The following MCC variants were observed in gnomAD, a reference collection of about 807,000 sequenced individuals.
MCC encodes the protein colorectal mutant cancer protein.
MCC carries 90 observed loss-of-function variants against 116.2 expected under a neutral mutation model. That is an observed-to-expected ratio of 0.77 (90% CI 0.65 to 0.92). MCC has a LOEUF of 0.92. Ranked by LOEUF, MCC falls within the 40% of genes least tolerant of loss-of-function variation. The probability of loss-of-function intolerance (pLI) is 0.00; values close to 1 mark genes in which losing one functional copy is unlikely to be tolerated. For missense variants in MCC, 1,516 were observed against 1,312.2 expected, an observed-to-expected ratio of 1.16 and a Z score of -2.40; for synonymous variants, 578 against 510.5, an observed-to-expected ratio of 1.13 and a Z score of -1.78.
At chr5:113,468,559 T>G (rs1427015176) in intron 1 of MCC, among the ~76,000 whole-genome samples, 1 of 152,224 alleles carries the variant, frequency 6.6e-6, no homozygotes, top group Admixed American at 6.5e-5. Flanking sequence ...ATAAGCTTTT[T>G]GATGTGCTGC....
intron 3 of MCC, among the ~76,000 whole-genome samples, chr5:113,197,233 A>AT (rs558305624): frequency 2.6e-5 from 4 of 151,654 alleles, no homozygotes; most frequent in Non-Finnish European, 4.4e-5. Flanking sequence ...AAAAGGGGGA[A>AT]TTTTTTTTTC....
chr5:113,250,744 A>C (rs1270625890), intron 3 of MCC, among the ~76,000 whole-genome samples: 1 of 152,182 alleles, frequency 6.6e-6, no homozygotes, highest in African/African-American at 2.4e-5. Flanking sequence ...AATGCTGGAA[A>C]ACGCATGTGG....
At position 113,022,178 on chromosome 5, in the gene MCC, G is replaced by A. The variant is rs774734431; in HGVS notation, c.*5124C>T. 3 of 152,446 alleles carry A rather than the reference G, an allele frequency of 2.0e-5. No homozygotes were observed. The highest frequency in any genetic ancestry group is 6.6e-5 in the Admixed American group (1 of 15,258). The allele number at this position is 152,446 out of a possible 1,614,324, so 9.4% of individuals were successfully genotyped here. A position where few individuals can be genotyped will look rare whatever the true frequency, so the allele number is the denominator to read the frequency against. On this transcript the variant is annotated 3_prime_UTR_variant, in exon 19 of 19. Transcript: ENST00000408903. ...TATAAATGTCTCTGTATAAATAAATGGAGTTTTTAAAAAACAATTCTATAT... is the reference window on the plus strand; with the variant it reads ...TATAAATGTCTCTGTATAAATAAATAGAGTTTTTAAAAAACAATTCTATAT...
intron 1 of MCC, among the ~76,000 whole-genome samples, chr5:113,439,955 C>G (rs1770985356): frequency 1.3e-5 from 2 of 152,086 alleles, no homozygotes; most frequent in Non-Finnish European, 2.9e-5. Flanking sequence ...GCCTCAACCT[C>G]CTGGCCTCAA....
At chr5:113,385,610 C>A (rs1769235917) in intron 1 of MCC, among the ~76,000 whole-genome samples, 1 of 152,174 alleles carries the variant, frequency 6.6e-6, no homozygotes, top group Non-Finnish European at 1.5e-5. Flanking sequence ...TTGGCAGAGT[C>A]CAAAACCTAG....
chr5:113,056,933 A>T (rs907551010), intron 14 of MCC, among the ~76,000 whole-genome samples: 1 of 152,186 alleles, frequency 6.6e-6, no homozygotes, highest in Non-Finnish European at 1.5e-5. Flanking sequence ...TGAAAAATGA[A>T]GCAGGGAAGA....
intron 3 of MCC, chr5:113,294,501 C>A: frequency 1.3e-6 from 2 of 1,556,996 alleles, no homozygotes; most frequent in Non-Finnish European, 1.7e-6. Flanking sequence ...GTCTAGACAG[C>A]CATTTTCACC....
intron 10 of MCC, 105 bp from the exon 11 acceptor site, chr5:113,083,113 G>T (rs1754975023): frequency 2.7e-6 from 3 of 1,092,348 alleles, no homozygotes; most frequent in Non-Finnish European, 3.9e-6. Flanking sequence ...ATCGGGGACT[G>T]GGAGGATGGT....
In MCC at chr5:113,455,459, G is replaced by A. The variant is rs181539783; in HGVS notation, c.170+32786C>T. On this transcript the variant is annotated intron_variant, in intron 1 of 18. Transcript: ENST00000408903. The stretch of plus-strand genomic sequence containing the variant: ...ATATTTATTCAGTGAATAAGGTCAC[G>A]TCTCAGGGGTCTGTAACAACTAACA... Among the ~76,000 whole-genome samples the A allele has an allele frequency of 1.8e-3, 272 of 152,252 alleles. 3 individuals are homozygous for A. The highest frequency in any genetic ancestry group is 1.5e-3 in the Non-Finnish European group (105 of 68,022).
intron 15 of MCC, among the ~76,000 whole-genome samples, chr5:113,050,314 C>T (rs932835816): frequency 1.3e-5 from 2 of 152,152 alleles, no homozygotes; most frequent in Non-Finnish European, 2.9e-5. Flanking sequence ...ACTCCACCAG[C>T]CCATGGCCAC....
intron 1 of MCC, among the ~76,000 whole-genome samples, chr5:113,394,258 T>C (rs1340416631): frequency 1.3e-5 from 2 of 152,158 alleles, no homozygotes; most frequent in East Asian, 1.9e-4. Context: ...ATTGTCTAAA[T>C]AGCTCTCACA....
chr5:113,370,453 C>T (rs1302060746), intron 2 of MCC, among the ~76,000 whole-genome samples: 1 of 152,052 alleles, frequency 6.6e-6, no homozygotes, highest in Non-Finnish European at 1.5e-5. Flanking sequence ...CAGAAGTGAC[C>T]GTGGGTACTA....
chr5:113,470,299 T>A (rs1055025951), intron 1 of MCC, among the ~76,000 whole-genome samples: 1 of 152,200 alleles, frequency 6.6e-6, no homozygotes, highest in African/African-American at 2.4e-5. Flanking sequence ...CAATTTGGCA[T>A]GTTTTTGCAG....
At chr5:113,210,042 GTTCTC>G (rs1274232563) in intron 3 of MCC, among the ~76,000 whole-genome samples, 1 of 152,150 alleles carries the variant, frequency 6.6e-6, no homozygotes, top group African/African-American at 2.4e-5. Flanking sequence ...GAGCGTTGTT[GTTCTC>G]TTCTCACCGC....
intron 3 of MCC, among the ~76,000 whole-genome samples, chr5:113,268,081 A>G (rs528562225): frequency 3.9e-5 from 6 of 152,226 alleles, no homozygotes; most frequent in Admixed American, 6.5e-5. Context: ...CGAATCTTCT[A>G]TCTTAATCCA....
chr5:113,300,366 C>T (rs888650203), intron 3 of MCC, among the ~76,000 whole-genome samples: 15 of 152,134 alleles, frequency 9.9e-5, no homozygotes, highest in Admixed American at 9.8e-4. Flanking sequence ...TAAAATTGTC[C>T]CCTTCTCCAT....
chr5:113,387,682 G>C (rs986251537), intron 1 of MCC, among the ~76,000 whole-genome samples: 8 of 152,152 alleles, frequency 5.3e-5, no homozygotes, highest in Non-Finnish European at 2.9e-5. Context: ...TTTTCACAGT[G>C]TATTATACTA....
At chr5:113,281,837 G>T (rs1433943660) in intron 3 of MCC, among the ~76,000 whole-genome samples, 4 of 152,144 alleles carry the variant, frequency 2.6e-5, no homozygotes, top group Admixed American at 1.3e-4. Flanking sequence ...TTATTTGAGT[G>T]CTCACAAATA....
At chr5:113,462,201 C>T (rs934555592) in intron 1 of MCC, among the ~76,000 whole-genome samples, 17 of 152,224 alleles carry the variant, frequency 1.1e-4, no homozygotes, top group African/African-American at 3.9e-4. Context: ...CTGGAACCAT[C>T]CATGTGGGGA....
Sources: gnomAD v4.1 joint callset for allele counts (sites outside exome capture counted in the v4.1 genomes callset) on GRCh38, gnomAD v4.1.1 for gene constraint, MANE v1.5 for transcripts, NCBI Gene and HGNC (gene_info 2026-07-23, HGNC 2026-07-21) for gene names.